COG4: variants seen among roughly 807,000 people sequenced by gnomAD.
COG4 encodes the protein component of oligomeric golgi complex 4, also known as conserved oligomeric Golgi complex subunit 4.
In COG4, 65 loss-of-function variants were observed where a neutral mutation model predicts 95.1. That is an observed-to-expected ratio of 0.68 (90% CI 0.56 to 0.84). The LOEUF is 0.84. COG4 is among the 40% of genes least tolerant of loss of function. The pLI, the probability that COG4 is intolerant of heterozygous loss-of-function variation, is 0.00. For missense variants in COG4, 1,045 were observed against 989.1 expected (o/e 1.06, Z -0.76); for synonymous variants, 421 against 374.8 (o/e 1.12, Z -1.42).
chr16:70,490,505 G>C, intron 12 of COG4, 113 bp from the exon 13 acceptor site: 1 of 854,932 alleles, frequency 1.2e-6, no homozygotes, highest in Non-Finnish European at 2.0e-6. Context: ...GGGCTGGCTG[G>C]AGTTCAGACT....
chr16:70,501,204 G>A (rs2049442954), intron 8 of COG4, 113 bp from the exon 9 acceptor site: 6 of 1,221,600 alleles, frequency 4.9e-6, no homozygotes, highest in Non-Finnish European at 7.1e-6. Flanking sequence ...ATAAGGAAAA[G>A]CTCTGCCAGA....
At position 70,508,740 on chromosome 16, in the gene COG4, T is replaced by C. The variant is rs563685129; in HGVS notation, c.1003-276A>G. ...TGTTTATAGTCTCCTAGTCTGGAGT[T>C]CTAGAAATACAATTGTATGAGGCCA... is the stretch of plus-strand genomic sequence containing the variant. On this transcript the variant is annotated intron_variant, in intron 7 of 18. Coordinates refer to ENST00000323786, the MANE Select transcript of COG4 (RefSeq NM_015386.3). 8 of 621,074 alleles carry C rather than the reference T, an allele frequency of 1.3e-5. No individual in the cohort carries two copies. In the African/African-American group the frequency reaches 1.5e-4, roughly 11 times the overall value. The allele number at this position is 621,074 out of a possible 1,614,324, so 38.5% of individuals were successfully genotyped here.
chr16:70,511,475 G>C (rs2049703363), intron 5 of COG4, among the ~76,000 whole-genome samples: 1 of 152,072 alleles, frequency 6.6e-6, no homozygotes, highest in Non-Finnish European at 1.5e-5. Context: ...AGGACTTTGG[G>C]AGGCTGAGGT....
intron 12 of COG4, among the ~76,000 whole-genome samples, chr16:70,494,580 C>A (rs1200428365): frequency 6.6e-6 from 1 of 152,128 alleles, no homozygotes; most frequent in African/African-American, 2.4e-5. Flanking sequence ...AGCGAATATG[C>A]ACTGGCCGGT....
At position 70,482,294 on chromosome 16, in the gene COG4, G is replaced by A. The variant is rs2049015515; in HGVS notation, c.1921-119C>T. The A allele has an allele frequency of 3.4e-5, 26 of 760,680 alleles. No homozygotes were observed. The South Asian group carries it at 3.6e-4, about 11-fold the overall frequency. The allele number at this position is 760,680 out of a possible 1,614,324, so 47.1% of individuals were successfully genotyped here. A position where few individuals can be genotyped will look rare whatever the true frequency, so the allele number is the denominator to read the frequency against. ...ACATTCTTCCTTCCCTGTGCCTTCT[G>A]ACTCATCTAGTTTAAAACCAGCTCA... On this transcript the variant is annotated intron_variant, in intron 15 of 18. Coordinates refer to ENST00000323786, the MANE Select transcript of COG4 (RefSeq NM_015386.3).
chr16:70,515,342 T>C (rs1031109238), intron 3 of COG4, among the ~76,000 whole-genome samples: 4 of 152,050 alleles, frequency 2.6e-5, no homozygotes, highest in Admixed American at 6.6e-5. Flanking sequence ...TCTTACCTAA[T>C]TGCCCTGGAT....
At chr16:70,523,211 A>T in intron 1 of COG4, 162 bp downstream of exon 1, 1 of 783,200 alleles carries the variant, frequency 1.3e-6, no homozygotes, top group Non-Finnish European at 2.1e-6. Flanking sequence ...GCGTGAAAAG[A>T]GTTGACAGGA....
Position 70,519,680 on chromosome 16 carries a change from C to T in COG4, c.223G>A (p.Glu75Lys). ...CGGTGGAGAGTGACCATCTTACTTT[C>T]AATGGTGTTTTGCTGTTCCAAAAGA... ...DALLEQQNTI[E>K]SKMVTLHRMG... The change falls in exon 2 of 19, where the codon GAA (glutamate) becomes AAA (lysine). Residue 75 changes from glutamate to lysine, a missense_variant. By Grantham distance (56) the Glu-to-Lys change is moderately conservative (BLOSUM62 1). Transcript: ENST00000323786. 6.2e-7 allele frequency: 1 copy of T among 1,613,848 alleles called. No homozygotes were observed. The highest frequency in any genetic ancestry group is 1.1e-5 in the South Asian group (1 of 91,048).
At chr16:70,489,045 G>A (rs2049191154) in intron 13 of COG4, among the ~76,000 whole-genome samples, 1 of 152,182 alleles carries the variant, frequency 6.6e-6, no homozygotes, top group Admixed American at 6.6e-5. Flanking sequence ...CAGTGGTCAA[G>A]TGAAGATTTG....
intron 4 of COG4, among the ~76,000 whole-genome samples, chr16:70,513,595 C>T (rs371046472): frequency 6.6e-6 from 1 of 152,262 alleles, no homozygotes; most frequent in African/African-American, 2.4e-5. Context: ...GATATAACAA[C>T]ATACCATGAT....
At position 70,508,462 on chromosome 16, in the gene COG4, G is replaced by A. The variant is rs183569708; in HGVS notation, c.1005C>T (p.Phe335=). ...TCATCAGGTTGTTCTGAACATGCCG[G>A]AACTGCAACATACCACAGGAATGAG... The part of the protein sequence containing the change: ...FIKQRDYHQQ[F]RHVQNNLMRN... Residue 335 remains phenylalanine, a splice_region_variant and synonymous_variant, in exon 8 of 19, where the codon TTC becomes TTT. Transcript: ENST00000323786. 1.9e-4 allele frequency: 309 copies of A among 1,613,822 alleles called. 3 individuals are homozygous for A. The highest frequency in any genetic ancestry group is 1.5e-3 in the South Asian group (140 of 91,066).
At chr16:70,499,091 G>A (rs919747495) in intron 9 of COG4, among the ~76,000 whole-genome samples, 6 of 152,042 alleles carry the variant, frequency 3.9e-5, no homozygotes, top group Non-Finnish European at 5.9e-5. Context: ...AAAATATTCC[G>A]TATCTGTTAT....
rs111498752 is a variant in COG4 at position 70,512,855 on chromosome 16, G to A, written c.545-423C>T. On this transcript the variant is annotated intron_variant, in intron 4 of 18. Transcript: ENST00000323786. Reference sequence around the variant, plus strand: ...TAGCTGGGCATGGTGGCATGCGCCTGTAGTCCCAGTTACTCAGGAGGCTGA... The same window carrying A: ...TAGCTGGGCATGGTGGCATGCGCCTATAGTCCCAGTTACTCAGGAGGCTGA... 6.4e-3 allele frequency among the ~76,000 whole-genome samples: 979 copies of A among 152,336 alleles called. 13 individuals are homozygous for A. The highest frequency in any genetic ancestry group is 0.022 in the African/African-American group (917 of 41,574).
Position 70,480,605 on chromosome 16 carries a change from C to T in COG4, c.*405G>A. 7.4e-6 allele frequency: 2 copies of T among 269,388 alleles called. No individual in the cohort carries two copies. 16.7% of individuals were successfully genotyped at this position (269,388 alleles called of 1,614,324 possible). A position where few individuals can be genotyped will look rare whatever the true frequency, so the allele number is the denominator to read the frequency against. On this transcript the variant is annotated 3_prime_UTR_variant, in exon 19 of 19. Transcript: ENST00000323786. ...AGTAGCTTTATTCAGGGATCATAAA[C>T]ATCACAGCCTCTCCTCAAAGTCAAG...
At chr16:70,514,272 C>T in intron 4 of COG4, 63 bp downstream of exon 4, 2 of 1,475,470 alleles carry the variant, frequency 1.4e-6, no homozygotes, top group Non-Finnish European at 9.5e-7. Flanking sequence ...TTGGTCGAGT[C>T]TGCTTACTTC....
At chr16:70,513,322 T>A (rs2049750411) in intron 4 of COG4, among the ~76,000 whole-genome samples, 2 of 152,214 alleles carry the variant, frequency 1.3e-5, no homozygotes, top group South Asian at 4.1e-4. Context: ...TTTCATTTTA[T>A]GAGTAGGCAA....
rs150895092 is a variant in COG4 at position 70,507,151 on chromosome 16, T to C, written c.1061+1255A>G. ...TACTCGGGAGGCCGAGGTGGGAGGA[T>C]TGCTTGAGCCCAGAAGGTCAAGGCT... On this transcript the variant is annotated intron_variant, in intron 8 of 18. Transcript: ENST00000323786. 6.4e-3 allele frequency among the ~76,000 whole-genome samples: 974 copies of C among 152,176 alleles called. 12 individuals carry two copies. The highest frequency in any genetic ancestry group is 0.022 in the African/African-American group (910 of 41,506).
chr16:70,522,821 G>A (rs1451522469), intron 1 of COG4, among the ~76,000 whole-genome samples: 1 of 152,146 alleles, frequency 6.6e-6, no homozygotes, highest in Non-Finnish European at 1.5e-5. Flanking sequence ...CAGAGATGAA[G>A]TGACTTGTCC....
In COG4 at chr16:70,504,956, T is replaced by G. The variant is rs1567385685; in HGVS notation, c.1061+3450A>C. 2.0e-5 allele frequency among the ~76,000 whole-genome samples: 3 copies of G among 151,948 alleles called. No homozygotes were observed. In the East Asian group the frequency reaches 5.8e-4, roughly 29 times the overall value. On this transcript the variant is annotated intron_variant, in intron 8 of 18. Coordinates refer to ENST00000323786, the MANE Select transcript of COG4 (RefSeq NM_015386.3). The stretch of plus-strand genomic sequence containing the variant: ...GTCAAAATGCCGTTAGTGCAGAAGT[T>G]AAGAAACCTTGGATTAAATGATTTA...
Sources: allele counts gnomAD v4.1 joint callset (sites outside exome capture counted in the v4.1 genomes callset), GRCh38; gene constraint gnomAD v4.1.1; transcripts MANE v1.5; gene names NCBI Gene and HGNC (gene_info 2026-07-23, HGNC 2026-07-21).